The following SLC8A1 variants were observed in gnomAD, a reference collection of about 807,000 sequenced individuals.
SLC8A1 encodes the protein sodium/calcium exchanger 1.
SLC8A1 carries 18 observed loss-of-function variants against 68.3 expected under a neutral mutation model. That is an observed-to-expected ratio of 0.26 (90% confidence interval 0.18 to 0.39). The LOEUF (loss-of-function observed/expected upper bound fraction) is 0.39. SLC8A1 is among the 10% of genes least tolerant of loss of function. The pLI is 1.00. For synonymous variants in SLC8A1, 475 were observed against 415.5 expected (o/e 1.14, Z -1.74); for missense variants, 985 against 1,156.7 (o/e 0.85, Z 2.15).
rs113277882 is a variant in SLC8A1, at chr2:40,143,700, G to A, written c.2162-4024C>T. 2.1e-3 allele frequency among the ~76,000 whole-genome samples: 317 copies of A among 152,240 alleles called. 1 individual carries two copies. Among genetic ancestry groups the A allele is most frequent in the East Asian group, 0.013 (69 of 5,172 alleles). On this transcript the variant is annotated intron_variant, in intron 6 of 7. Transcript: ENST00000406785. ...AACAGTACTTGGACCGTTCCTGCTCGGAAACATGAGAGCAAGAGCATCATC... is the reference window on the plus strand; with the variant it reads ...AACAGTACTTGGACCGTTCCTGCTCAGAAACATGAGAGCAAGAGCATCATC...
At chr2:40,120,992 C>T (rs1255950335) in intron 7 of SLC8A1, among the ~76,000 whole-genome samples, 2 of 152,184 alleles carry the variant, frequency 1.3e-5, no homozygotes, top group Admixed American at 1.3e-4. Flanking sequence ...CTTGTCCAGC[C>T]TGCCTTATTT....
At chr2:40,472,850 A>G (rs571059733) in intron 1 of SLC8A1, among the ~76,000 whole-genome samples, 3 of 152,304 alleles carry the variant, frequency 2.0e-5, no homozygotes, top group Admixed American at 1.3e-4. Flanking sequence ...GAAGCACACT[A>G]TGTGTCAAGA....
chr2:40,491,508 C>A (rs1449831638), intron 1 of SLC8A1, among the ~76,000 whole-genome samples: 2 of 152,134 alleles, frequency 1.3e-5, no homozygotes, highest in African/African-American at 4.8e-5. Context: ...CTGGCCAGAA[C>A]TTCCAACACT....
intron 7 of SLC8A1, among the ~76,000 whole-genome samples, chr2:40,121,795 C>T (rs768323439): frequency 2.6e-5 from 4 of 152,160 alleles, no homozygotes; most frequent in Non-Finnish European, 1.5e-5. Context: ...TGATTCTATA[C>T]TTTTAAGGAG....
chr2:40,275,117 T>C (rs1042042654), intron 2 of SLC8A1, among the ~76,000 whole-genome samples: 2 of 152,222 alleles, frequency 1.3e-5, no homozygotes, highest in Non-Finnish European at 2.9e-5. Context: ...GTGAATAGAA[T>C]TGTATGCTCA....
exon 8 of SLC8A1, chr2:40,108,562 A>G (rs570932279): frequency 6.4e-4 from 97 of 152,318 alleles, no homozygotes; most frequent in African/African-American, 2.3e-3. Context: ...ACAATCTTTC[A>G]AGATTTCTTC....
At chr2:40,102,437 G>C (rs1316268428) in exon 8 of SLC8A1, 1 of 151,656 alleles carries the variant, frequency 6.6e-6, no homozygotes, top group Admixed American at 6.6e-5. Context: ...AGTGAACAGA[G>C]GGAAGGAACA....
At chr2:40,222,951 A>T (rs1242206678) in intron 2 of SLC8A1, among the ~76,000 whole-genome samples, 1 of 152,170 alleles carries the variant, frequency 6.6e-6, no homozygotes, top group Non-Finnish European at 1.5e-5. Context: ...ATTGTGGAAA[A>T]AAGTGTGGCG....
At position 40,170,105 on chromosome 2, in the gene SLC8A1, C is replaced by T. The variant is rs151027672; in HGVS notation, c.1930+4720G>A. ...GTCCCTACTCAGTGCTCCTTTTCTG[C>T]CCTCACGTGCTTGTGTTTTGTTGTA... On this transcript the variant is annotated intron_variant, in intron 4 of 7. Coordinates refer to ENST00000406785, the Ensembl canonical transcript of SLC8A1. Among the ~76,000 whole-genome samples the T allele has an allele frequency of 2.6e-5, 4 of 152,296 alleles. No individual in the cohort carries two copies. The East Asian group carries it at 7.7e-4, about 29-fold the overall frequency.
intron 2 of SLC8A1, among the ~76,000 whole-genome samples, chr2:40,426,252 G>C (rs752589560): frequency 6.6e-6 from 1 of 151,970 alleles, no homozygotes; most frequent in East Asian, 1.9e-4. Flanking sequence ...ATGAAGTATA[G>C]TAACAATTTT....
intron 2 of SLC8A1, among the ~76,000 whole-genome samples, chr2:40,364,509 C>CT (rs11377656): frequency 0.7 from 103,488 of 148,586 alleles, 36,891 homozygotes; most frequent in African/African-American, 0.87. Context: ...AAATTGAATC[C>CT]TTTTTTTTTG....
At chr2:40,390,133 AC>A (rs1684825900) in intron 2 of SLC8A1, among the ~76,000 whole-genome samples, 1 of 152,102 alleles carries the variant, frequency 6.6e-6, no homozygotes, top group South Asian at 2.1e-4. Context: ...GGATTACACA[AC>A]CTAGTCACTG....
intron 1 of SLC8A1, among the ~76,000 whole-genome samples, chr2:40,509,439 T>TG (rs1409302291): frequency 2.3e-4 from 20 of 86,752 alleles, no homozygotes; most frequent in African/African-American, 6.1e-4. Context: ...GATTTGGAAT[T>TG]TTTTTTTTTT....
chr2:40,459,974 A>G (rs1012839197), intron 1 of SLC8A1, among the ~76,000 whole-genome samples: 1 of 152,188 alleles, frequency 6.6e-6, no homozygotes, highest in African/African-American at 2.4e-5. Context: ...GCAAATACCC[A>G]TGAAAATCAT....
chr2:40,124,807 TGTTAAA>T (rs1263080256), intron 7 of SLC8A1, among the ~76,000 whole-genome samples: 1 of 152,228 alleles, frequency 6.6e-6, no homozygotes, highest in African/African-American at 2.4e-5. Flanking sequence ...ACTGTGCAAC[TGTTAAA>T]GTACACTAAG....
intron 6 of SLC8A1, among the ~76,000 whole-genome samples, chr2:40,158,625 C>T (rs769825982): frequency 1.8e-4 from 28 of 152,094 alleles, no homozygotes; most frequent in Non-Finnish European, 3.4e-4. Context: ...GGTAATGTGA[C>T]GCGGCCAGTC....
At chr2:40,269,764 T>G (rs1173519602) in intron 2 of SLC8A1, among the ~76,000 whole-genome samples, 3 of 151,732 alleles carry the variant, frequency 2.0e-5, no homozygotes, top group Middle Eastern at 3.4e-3. Context: ...GCCTTTCTCA[T>G]GGATCACTGT....
intron 2 of SLC8A1, among the ~76,000 whole-genome samples, chr2:40,376,215 C>T (rs1211153679): frequency 1.3e-5 from 2 of 151,996 alleles, no homozygotes; most frequent in African/African-American, 2.4e-5. Flanking sequence ...GTATTTGTGG[C>T]CAACCTTAAG....
rs986175009 is a variant in SLC8A1, at chr2:40,146,940, C to G, written c.2162-7264G>C. 2.6e-5 allele frequency among the ~76,000 whole-genome samples: 4 copies of G among 152,126 alleles called. No individual in the cohort carries two copies. The South Asian group carries it at 8.3e-4, about 32-fold the overall frequency. ...AGTATTGTAAAGGGCGTCAAGAAGG[C>G]AACTCACTCTCTGTTAATAACTTTC... On this transcript the variant is annotated intron_variant, in intron 6 of 7. Transcript: ENST00000406785.
Sources: gnomAD v4.1 joint callset for allele counts (sites outside exome capture counted in the v4.1 genomes callset) on GRCh38, gnomAD v4.1.1 for gene constraint, MANE v1.5 for transcripts, NCBI Gene and HGNC (gene_info 2026-07-23, HGNC 2026-07-21) for gene names.